Variants in TTLL11 observed in about 807,000 individuals in gnomAD.
The protein encoded by TTLL11 is tubulin tyrosine ligase like 11.
TTLL11 carries 42 observed loss-of-function variants against 51.7 expected under a neutral mutation model. The ratio of observed to expected loss-of-function variants is 0.81; its 90% CI spans 0.64 to 1.05. The LOEUF is 1.05. Ranked by LOEUF, TTLL11 falls within the 50% of genes least tolerant of loss-of-function variation. The pLI, the probability that TTLL11 is intolerant of heterozygous loss-of-function variation, is 0.00. For missense variants in TTLL11, 799 were observed against 940.4 expected (o/e 0.85, Z 1.97); for synonymous variants, 381 against 383.5 (o/e 0.99, Z 0.08).
rs147140502 is a variant in TTLL11, at chr9:122,037,583, A to G, written c.559+1689T>C. On this transcript the variant is annotated intron_variant, in intron 2 of 8. Transcript: ENST00000321582. ...GCGATGATTCTTGTAACTTAATATG[A>G]CCCTTGCTTGGACCTTAGAAGGCAT... Among the ~76,000 whole-genome samples, 40 of 152,204 alleles carry G rather than the reference A, an allele frequency of 2.6e-4. No homozygotes were observed. The East Asian group carries it at 6.8e-3, about 26-fold the overall frequency.
At chr9:121,883,675 C>A (rs1452011871) in intron 6 of TTLL11, among the ~76,000 whole-genome samples, 1 of 152,166 alleles carries the variant, frequency 6.6e-6, no homozygotes, top group African/African-American at 2.4e-5. Flanking sequence ...TATTTAATTT[C>A]TCTTGTCACT....
chr9:121,977,619 G>A (rs188278732), intron 4 of TTLL11, among the ~76,000 whole-genome samples: 5 of 151,580 alleles, frequency 3.3e-5, no homozygotes, highest in African/African-American at 1.2e-4. Context: ...AACTATGAAT[G>A]TTACTTACTT....
chr9:121,927,623 G>T (rs1840786336), intron 6 of TTLL11, among the ~76,000 whole-genome samples: 1 of 95,268 alleles, frequency 1.0e-5, no homozygotes, highest in Non-Finnish European at 2.0e-5. Flanking sequence ...AGCACAGAAG[G>T]TGGCATTTTT....
intron 8 of TTLL11, among the ~76,000 whole-genome samples, chr9:121,829,979 C>T (rs1049143396): frequency 1.3e-5 from 2 of 152,190 alleles, no homozygotes; most frequent in African/African-American, 2.4e-5. Context: ...ATGGCTGTCT[C>T]TCTAATGAGA....
At position 121,821,603 on chromosome 9, in the gene TTLL11, G is replaced by C. The variant is rs1427195393; in HGVS notation, c.*984C>G. Among the ~76,000 whole-genome samples, 2 of 152,130 alleles carry C rather than the reference G, an allele frequency of 1.3e-5. No individual in the cohort carries two copies. The highest frequency in any genetic ancestry group is 4.8e-5 in the African/African-American group (2 of 41,416). On this transcript the variant is annotated 3_prime_UTR_variant, in exon 9 of 9. Transcript: ENST00000321582. This position sits in a 1 kb window ranked among gnomAD's most constrained non-coding sequence, Gnocchi z 5.0. ...TGCCTGTGAGGCGTTTCCTCCGAGA[G>C]GGGGGCTACCTGGGGATACAGATGG...
chr9:122,006,014 T>C (rs1263839882), intron 3 of TTLL11, among the ~76,000 whole-genome samples: 2 of 152,214 alleles, frequency 1.3e-5, no homozygotes, highest in Admixed American at 1.3e-4. Context: ...AGGTTCAAAC[T>C]GAGTATCACA....
intron 3 of TTLL11, among the ~76,000 whole-genome samples, chr9:121,999,748 G>A (rs140606196): frequency 1.2e-3 from 186 of 152,238 alleles, no homozygotes; most frequent in African/African-American, 4.1e-3. Context: ...ACACACGTGC[G>A]CGTGCACACA....
At chr9:121,990,399 A>G (rs1843077014) in intron 3 of TTLL11, among the ~76,000 whole-genome samples, 1 of 152,228 alleles carries the variant, frequency 6.6e-6, no homozygotes, top group Admixed American at 6.5e-5. Context: ...TAAATGCAAG[A>G]GGCTAAGGAC....
At chr9:121,922,005 C>A (rs539571279) in intron 6 of TTLL11, among the ~76,000 whole-genome samples, 1 of 152,164 alleles carries the variant, frequency 6.6e-6, no homozygotes, top group East Asian at 1.9e-4. Flanking sequence ...GAGATAACAT[C>A]TTCAAGGAGC....
At chr9:121,847,538 A>G (rs1429520404) in intron 8 of TTLL11, among the ~76,000 whole-genome samples, 1 of 152,214 alleles carries the variant, frequency 6.6e-6, no homozygotes, top group African/African-American at 2.4e-5. Flanking sequence ...GTCTATGTCT[A>G]CAAATTTGAT....
At chr9:121,911,581 A>G (rs1840120531) in intron 6 of TTLL11, among the ~76,000 whole-genome samples, 1 of 152,218 alleles carries the variant, frequency 6.6e-6, no homozygotes, top group Non-Finnish European at 1.5e-5. Flanking sequence ...TGTGGCACAT[A>G]TATACCATGG....
intron 3 of TTLL11, among the ~76,000 whole-genome samples, chr9:122,023,751 A>G (rs1258372366): frequency 6.6e-6 from 1 of 151,932 alleles, no homozygotes; most frequent in East Asian, 1.9e-4. Flanking sequence ...TCCTACATCC[A>G]TTCCTAATTA....
At chr9:121,845,709 G>A (rs1837497267) in intron 8 of TTLL11, among the ~76,000 whole-genome samples, 1 of 152,096 alleles carries the variant, frequency 6.6e-6, no homozygotes, top group Non-Finnish European at 1.5e-5. Context: ...TTTGAAAATG[G>A]ACTTATTAGC....
intron 3 of TTLL11, among the ~76,000 whole-genome samples, chr9:122,004,919 C>T (rs902629714): frequency 5.9e-5 from 9 of 152,254 alleles, no homozygotes; most frequent in South Asian, 4.1e-4. Context: ...ACTCTCAGTG[C>T]CAAGTACAAT....
intron 1 of TTLL11, among the ~76,000 whole-genome samples, chr9:122,075,019 A>G (rs865834296): frequency 6.6e-6 from 1 of 152,188 alleles, no homozygotes; most frequent in African/African-American, 2.4e-5. Flanking sequence ...CCTCATTGGT[A>G]TCAGATTCAC....
intron 6 of TTLL11, among the ~76,000 whole-genome samples, chr9:121,959,002 T>C (rs1842120712): frequency 6.6e-6 from 1 of 152,038 alleles, no homozygotes; most frequent in South Asian, 2.1e-4. Flanking sequence ...CAGTGCTTCT[T>C]AAGGCCCCCA....
intron 6 of TTLL11, among the ~76,000 whole-genome samples, chr9:121,877,072 G>A (rs550041460): frequency 2.6e-5 from 4 of 152,318 alleles, no homozygotes; most frequent in East Asian, 3.9e-4. Flanking sequence ...AGGCAGCCCC[G>A]TGGCTTGGCA....
chr9:121,872,779 T>C (rs1838401310), intron 6 of TTLL11, among the ~76,000 whole-genome samples: 1 of 152,172 alleles, frequency 6.6e-6, no homozygotes. Context: ...AAAAATCTCT[T>C]TTCAACTTCA....
intron 6 of TTLL11, among the ~76,000 whole-genome samples, chr9:121,876,464 C>T (rs970771170): frequency 6.6e-6 from 1 of 152,140 alleles, no homozygotes; most frequent in African/African-American, 2.4e-5. Context: ...AAGCATGGGA[C>T]CAAGTGAGGG....
Sources: gnomAD v4.1 joint callset for allele counts (sites outside exome capture counted in the v4.1 genomes callset) on GRCh38, gnomAD v4.1.1 for gene constraint, Gnocchi (gnomAD v3.1) non-coding constraint, MANE v1.5 for transcripts, NCBI Gene and HGNC (gene_info 2026-07-23, HGNC 2026-07-21) for gene names.